Variants in OCIAD1 observed in about 807,000 individuals in gnomAD.
OCIAD1 encodes the protein OCIA domain containing 1, also known as OCIA domain-containing protein 1.
In OCIAD1, 29 loss-of-function variants were observed where a neutral mutation model predicts 38.9. The observed-to-expected ratio is 0.74, with a 90% confidence interval of 0.55 to 1.02. The LOEUF is 1.02. Ranked by LOEUF, OCIAD1 falls within the 50% of genes least tolerant of loss-of-function variation. The probability of loss-of-function intolerance (pLI) is 0.00; values close to 1 mark genes in which losing one functional copy is unlikely to be tolerated. For missense variants in OCIAD1, 288 were observed against 289.6 expected, an observed-to-expected ratio of 0.99 and a Z score of 0.04; for synonymous variants, 110 against 92.0, an observed-to-expected ratio of 1.20 and a Z score of -1.12.
At chr4:48,823,524 C>G (rs1294192085) in intron 1 of OCIAD1, among the ~76,000 whole-genome samples, 6 of 151,570 alleles carry the variant, frequency 4.0e-5, no homozygotes, top group Admixed American at 6.6e-5. Flanking sequence ...AACACACCTG[C>G]AGGTTCTCCA....
chr4:48,841,501 A>C (rs1227210395), intron 3 of OCIAD1, among the ~76,000 whole-genome samples: 1 of 152,186 alleles, frequency 6.6e-6, no homozygotes, highest in Admixed American at 6.5e-5. Flanking sequence ...AACTCATTAG[A>C]GACTCAGTGC....
At chr4:48,817,913 TTA>T (rs1777157357) in intron 1 of OCIAD1, among the ~76,000 whole-genome samples, 2 of 152,132 alleles carry the variant, frequency 1.3e-5, no homozygotes, top group Admixed American at 6.5e-5. Context: ...AGTCAGGGAC[TTA>T]CAGACAAAAC....
intron 1 of OCIAD1, among the ~76,000 whole-genome samples, chr4:48,808,394 T>C (rs1017175375): frequency 1.3e-5 from 2 of 151,868 alleles, no homozygotes; most frequent in Non-Finnish European, 2.9e-5. Flanking sequence ...TACCTGAGCC[T>C]GAGAGTCTGA....
chr4:48,831,165 C>G lies in OCIAD1; in HGVS notation c.-90C>G, dbSNP rs1777446071. The stretch of plus-strand genomic sequence containing the variant: ...CGGTACCTTGCACTTTTCTCCCTCC[C>G]TGCCCCCTCTCGAGTCCACCCTCCG... On this transcript the variant is annotated 5_prime_UTR_variant, in exon 1 of 9. Coordinates refer to ENST00000264312, the MANE Select transcript of OCIAD1 (RefSeq NM_017830.4). 2 of 321,226 alleles carry G rather than the reference C, an allele frequency of 6.2e-6. No homozygotes were observed. The highest frequency in any genetic ancestry group is 1.2e-5 in the Non-Finnish European group (2 of 160,868). 19.9% of individuals were successfully genotyped at this position (321,226 alleles called of 1,614,324 possible). A position where few individuals can be genotyped will look rare whatever the true frequency, so the allele number is the denominator to read the frequency against.
chr4:48,844,931 A>G (rs1778848566), intron 4 of OCIAD1, among the ~76,000 whole-genome samples: 1 of 152,178 alleles, frequency 6.6e-6, no homozygotes, highest in Non-Finnish European at 1.5e-5. Flanking sequence ...ATGACAAGAA[A>G]CAAGTCTGTA....
intron 3 of OCIAD1, among the ~76,000 whole-genome samples, chr4:48,838,851 C>G (rs1308851836): frequency 6.6e-6 from 1 of 152,138 alleles, no homozygotes; most frequent in Admixed American, 6.5e-5. Flanking sequence ...TGTTTCTATA[C>G]TGACCTACAT....
intron 1 of OCIAD1, among the ~76,000 whole-genome samples, chr4:48,823,988 T>C (rs1269176309): frequency 6.8e-6 from 1 of 146,346 alleles, no homozygotes; most frequent in Non-Finnish European, 1.5e-5. Context: ...CTTCTTTTGT[T>C]TTGTTTTTAA....
chr4:48,846,069 T>C (rs1778954901), intron 4 of OCIAD1, among the ~76,000 whole-genome samples: 1 of 152,254 alleles, frequency 6.6e-6, no homozygotes, highest in Non-Finnish European at 1.5e-5. Flanking sequence ...ACTCTCTCTC[T>C]AGACTGTAAA....
At chr4:48,842,604 T>C (rs1778637406) in intron 3 of OCIAD1, 32 bp from the exon 4 acceptor site, 1 of 1,458,312 alleles carries the variant, frequency 6.9e-7, no homozygotes, top group African/African-American at 1.4e-5. Flanking sequence ...TTTACTTTTG[T>C]TGATGTTAAC....
intron 6 of OCIAD1, 50 bp downstream of exon 6, chr4:48,850,132 A>G (rs201812710): frequency 3.5e-5 from 56 of 1,579,088 alleles, no homozygotes; most frequent in Non-Finnish European, 4.6e-5. Flanking sequence ...TTAAGAAACA[A>G]CTAGATGTTG....
intron 1 of OCIAD1, among the ~76,000 whole-genome samples, chr4:48,816,692 A>G (rs1384943366): frequency 6.6e-6 from 1 of 152,110 alleles, no homozygotes; most frequent in Admixed American, 6.6e-5. Context: ...AAACGGTGGC[A>G]GGGCACCGTG....
Position 48,861,039 on chromosome 4 carries a change from C to A in OCIAD1, c.*277C>A. On this transcript the variant is annotated 3_prime_UTR_variant, in exon 9 of 9. Transcript: ENST00000264312. ...AATTGTTGCAAGGGCAAAGATAACT[C>A]TTAAAAAACCGTCGAGATTACAATG... 1 of 350,186 alleles carries A rather than the reference C, an allele frequency of 2.9e-6. No homozygotes were observed. The highest frequency in any genetic ancestry group is 5.1e-6 in the Non-Finnish European group (1 of 195,948). 21.7% of individuals were successfully genotyped at this position (350,186 alleles called of 1,614,324 possible).
intron 2 of OCIAD1, 172 bp downstream of exon 2, chr4:48,832,854 A>C (rs983579495): frequency 1.1e-5 from 7 of 614,344 alleles, no homozygotes; most frequent in African/African-American, 1.8e-5. Context: ...CATTTGGATA[A>C]GGAGTCCCAC....
At chr4:48,829,087 C>T (rs1210902421), upstream of OCIAD1, among the ~76,000 whole-genome samples, 1 of 152,120 alleles carries the variant, frequency 6.6e-6, no homozygotes, top group African/African-American at 2.4e-5. Flanking sequence ...TAGTGAAACT[C>T]TGTCTCTTCT....
At chr4:48,832,989 G>A (rs1354466385) in intron 2 of OCIAD1, among the ~76,000 whole-genome samples, 1 of 152,190 alleles carries the variant, frequency 6.6e-6, no homozygotes, top group Non-Finnish European at 1.5e-5. Flanking sequence ...GGTGGCTCAT[G>A]CCTGTAATCC....
intron 6 of OCIAD1, 87 bp downstream of exon 6, chr4:48,850,169 C>T: frequency 7.3e-7 from 1 of 1,373,906 alleles, no homozygotes; most frequent in Non-Finnish European, 1.0e-6. Flanking sequence ...AAAAACATTG[C>T]CTGAAGGACC....
chr4:48,809,444 T>C (rs1471829644), intron 1 of OCIAD1, among the ~76,000 whole-genome samples: 1 of 152,222 alleles, frequency 6.6e-6, no homozygotes, highest in Middle Eastern at 3.4e-3. Context: ...GAGTACTGCT[T>C]GAACCCGGCA....
At chr4:48,841,733 A>G (rs1778549841) in intron 3 of OCIAD1, among the ~76,000 whole-genome samples, 1 of 152,198 alleles carries the variant, frequency 6.6e-6, no homozygotes, top group South Asian at 2.1e-4. Flanking sequence ...ACCAACTTCC[A>G]TTATCATAAA....
intron 1 of OCIAD1, among the ~76,000 whole-genome samples, chr4:48,807,965 A>G (rs1002697206): frequency 1.8e-4 from 28 of 152,194 alleles, no homozygotes; most frequent in African/African-American, 6.8e-4. Flanking sequence ...TTTTACATGT[A>G]TCATTTTATT....
Sources: allele counts gnomAD v4.1 joint callset (sites outside exome capture counted in the v4.1 genomes callset), GRCh38; gene constraint gnomAD v4.1.1; transcripts MANE v1.5; gene names NCBI Gene and HGNC (gene_info 2026-07-23, HGNC 2026-07-21).